GPR4: variants seen among roughly 807,000 people sequenced by gnomAD.
GPR4 encodes G protein-coupled receptor 4, also known as G-prodeshotein coupled receptor 4.
A neutral mutation model predicts 17.8 loss-of-function variants in GPR4; 11 were observed. The ratio of observed to expected loss-of-function variants is 0.62; its 90% CI spans 0.39 to 1.02. The LOEUF (loss-of-function observed/expected upper bound fraction) is 1.02. Among genes scored for constraint, GPR4 ranks in the 50% least tolerant of loss-of-function variants. The pLI is 0.00. For missense variants in GPR4, 364 were observed against 495.4 expected (o/e 0.73, Z 2.52); for synonymous variants, 219 against 222.8 (o/e 0.98, Z 0.15).
chr19:45,598,292 G>A (rs1375716743), intron 1 of GPR4, among the ~76,000 whole-genome samples: 4 of 152,218 alleles, frequency 2.6e-5, no homozygotes, highest in Admixed American at 2.6e-4. Flanking sequence ...ACGGGGACTA[G>A]GGGGCTGAGA....
At position 45,595,437 on chromosome 19, in the gene GPR4, AGATCAG is replaced by A. The variant is rs553776341; in HGVS notation, c.-831-2746_-831-2741del. On this transcript the variant is annotated intron_variant, in intron 1 of 1. Coordinates refer to ENST00000323040, the MANE Select transcript of GPR4 (RefSeq NM_005282.3). ...CTGGGAACAGTCAAGGTCAAGATCAAGATCAGGGAGCATGGGGAAGCCCTGGGGTTA... is the reference window on the plus strand; with the variant it reads ...CTGGGAACAGTCAAGGTCAAGATCAAGGAGCATGGGGAAGCCCTGGGGTTA... Among the ~76,000 whole-genome samples the A allele has an allele frequency of 9.2e-5, 14 of 152,190 alleles. No homozygotes were observed. The East Asian group carries it at 2.7e-3, about 29-fold the overall frequency.
intron 1 of GPR4, chr19:45,599,728 C>G (rs1403175966): frequency 6.6e-6 from 1 of 152,156 alleles, no homozygotes; most frequent in Non-Finnish European, 1.5e-5. Context: ...ATCCTTAGTT[C>G]ACTTCGCAGT....
intron 1 of GPR4, among the ~76,000 whole-genome samples, chr19:45,598,988 C>T (rs1246108023): frequency 6.6e-6 from 1 of 152,208 alleles, no homozygotes; most frequent in African/African-American, 2.4e-5. Context: ...ACCCCGTTCC[C>T]CTTCCAGGAC....
At chr19:45,599,472 GCT>G (rs1165355135) in intron 1 of GPR4, among the ~76,000 whole-genome samples, 18 of 143,662 alleles carry the variant, frequency 1.3e-4, no homozygotes, top group African/African-American at 4.3e-4. Context: ...GGACCAGCCA[GCT>G]CCGGTCTGCT....
At position 45,590,601 on chromosome 19, in the gene GPR4, T is replaced by C; in HGVS notation, c.*177A>G. 1.4e-6 allele frequency: 1 copy of C among 699,018 alleles called. No individual in the cohort carries two copies. Among genetic ancestry groups the C allele is most frequent in the Non-Finnish European group, 2.2e-6 (1 of 448,282 alleles). The allele number at this position is 699,018 out of a possible 1,614,324, so 43.3% of individuals were successfully genotyped here. A position where few individuals can be genotyped will look rare whatever the true frequency, so the allele number is the denominator to read the frequency against. ...GCCCTCCACAATCGCCAAACTGTGATGGGATCTGGGAGCACAAAGGTTGAC... is the reference window on the plus strand; with the variant it reads ...GCCCTCCACAATCGCCAAACTGTGACGGGATCTGGGAGCACAAAGGTTGAC... On this transcript the variant is annotated 3_prime_UTR_variant, in exon 2 of 2. Coordinates refer to ENST00000323040, the MANE Select transcript of GPR4 (RefSeq NM_005282.3).
chr19:45,597,122 G>A (rs1270299005), intron 1 of GPR4, among the ~76,000 whole-genome samples: 1 of 151,802 alleles, frequency 6.6e-6, no homozygotes, highest in African/African-American at 2.4e-5. Flanking sequence ...AGGCTGGAGT[G>A]CAGTGGCACG....
In GPR4 at chr19:45,596,996, A is replaced by C. The variant is rs138560446; in HGVS notation, c.-831-4299T>G. Reference sequence around the variant, plus strand: ...ACTCACCTCTCCTTCCTGCCTCAGCAGTCTCAAGGCCAGTGAGTGACCTTC... The same window carrying C: ...ACTCACCTCTCCTTCCTGCCTCAGCCGTCTCAAGGCCAGTGAGTGACCTTC... On this transcript the variant is annotated intron_variant, in intron 1 of 1. Transcript: ENST00000323040. Among the ~76,000 whole-genome samples, 354 of 152,266 alleles carry C rather than the reference A, an allele frequency of 2.3e-3. 7 individuals carry two copies. The highest frequency in any genetic ancestry group is 0.021 in the Admixed American group (316 of 15,292).
chr19:45,599,000 C>T (rs951930520), intron 1 of GPR4, among the ~76,000 whole-genome samples: 10 of 152,190 alleles, frequency 6.6e-5, no homozygotes, highest in Non-Finnish European at 1.5e-4. Context: ...TTCCAGGACC[C>T]TCTCTGGTTG....
chr19:45,590,542 A>G lies in GPR4; in HGVS notation c.*236T>C, dbSNP rs1043448190. 1.0e-5 allele frequency: 5 copies of G among 490,978 alleles called. No individual in the cohort carries two copies. The highest frequency in any genetic ancestry group is 3.3e-5 in the East Asian group (1 of 30,118). 30.4% of individuals were successfully genotyped at this position (490,978 alleles called of 1,614,324 possible). A position where few individuals can be genotyped will look rare whatever the true frequency, so the allele number is the denominator to read the frequency against. ...GCAACACAGTGAGACCCTGTCTCCA[A>G]AAAAATATATTTACTCATCTCCTCC... On this transcript the variant is annotated 3_prime_UTR_variant, in exon 2 of 2. Transcript: ENST00000323040.
In GPR4 at chr19:45,591,927, G is replaced by C; in HGVS notation, c.-61C>G. Reference sequence around the variant, plus strand: ...CCCACGGGGGCTGTGGGGCCACAGGGAGCGGGAGGCCATGGGGCCCCCTGA... The same window carrying C: ...CCCACGGGGGCTGTGGGGCCACAGGCAGCGGGAGGCCATGGGGCCCCCTGA... On this transcript the variant is annotated 5_prime_UTR_variant, in exon 2 of 2. Coordinates refer to ENST00000323040, the MANE Select transcript of GPR4 (RefSeq NM_005282.3). The surrounding 1 kb of genome is among the most constrained non-coding windows in gnomAD (Gnocchi z 7.6). 1 of 1,511,590 alleles carries C rather than the reference G, an allele frequency of 6.6e-7. No individual in the cohort carries two copies. The highest frequency in any genetic ancestry group is 8.8e-7 in the Non-Finnish European group (1 of 1,131,984). 93.6% of individuals were successfully genotyped at this position (1,511,590 alleles called of 1,614,324 possible).
chr19:45,599,140 C>CG (rs1568418674), intron 1 of GPR4, among the ~76,000 whole-genome samples: 3 of 152,186 alleles, frequency 2.0e-5, no homozygotes, highest in Admixed American at 1.3e-4. Context: ...TCCAGAGAGT[C>CG]GGGGGGAAGA....
At chr19:45,594,177 A>G (rs1446574726) in intron 1 of GPR4, among the ~76,000 whole-genome samples, 2 of 146,278 alleles carry the variant, frequency 1.4e-5, no homozygotes, top group Non-Finnish European at 3.0e-5. Context: ...TAATCGCAGC[A>G]CTTTGGGAGG....
chr19:45,599,426 A>AC (rs374400386), intron 1 of GPR4, among the ~76,000 whole-genome samples: 3,977 of 79,436 alleles, frequency 0.05, 53 homozygotes, highest in Non-Finnish European at 0.078. Context: ...TGCTCCCACC[A>AC]CCCCCCCCTC....
At chr19:45,595,457 G>T (rs1970049164) in intron 1 of GPR4, among the ~76,000 whole-genome samples, 1 of 152,064 alleles carries the variant, frequency 6.6e-6, no homozygotes, top group Non-Finnish European at 1.5e-5. Context: ...GCATGGGGAA[G>T]CCCTGGGGTT....
intron 1 of GPR4, chr19:45,599,887 GA>G (rs1214505589): frequency 6.6e-6 from 1 of 152,090 alleles, no homozygotes; most frequent in Non-Finnish European, 1.5e-5. Flanking sequence ...AACACGCTAT[GA>G]TTTTTTTAAG....
chr19:45,600,184 T>TG (rs1211875280), intron 1 of GPR4, among the ~76,000 whole-genome samples: 2 of 152,130 alleles, frequency 1.3e-5, no homozygotes, highest in Non-Finnish European at 2.9e-5. Context: ...TCTCACCACC[T>TG]GGGGGTGACA....
chr19:45,591,870 G>T lies in GPR4; in HGVS notation c.-4C>A. ...CCTCCCACGTGTGGTTGCCCATGGT[G>T]GGCACTTCGGCTTCTGGGGCGCTTC... On this transcript the variant is annotated 5_prime_UTR_variant, in exon 2 of 2. Coordinates refer to ENST00000323040, the MANE Select transcript of GPR4 (RefSeq NM_005282.3). This position sits in a 1 kb window ranked among gnomAD's most constrained non-coding sequence, Gnocchi z 7.6. The T allele has an allele frequency of 6.5e-7, 1 of 1,545,754 alleles. No individual in the cohort carries two copies. The highest frequency in any genetic ancestry group is 8.7e-7 in the Non-Finnish European group (1 of 1,142,992).
At chr19:45,598,316 G>A (rs533415168) in intron 1 of GPR4, among the ~76,000 whole-genome samples, 139 of 152,044 alleles carry the variant, frequency 9.1e-4, no homozygotes, top group Non-Finnish European at 1.8e-3. Context: ...GAAATAAACC[G>A]GTTCTTCATG....
intron 1 of GPR4, among the ~76,000 whole-genome samples, chr19:45,600,209 C>T (rs1021916164): frequency 2.0e-5 from 3 of 152,118 alleles, no homozygotes; most frequent in Non-Finnish European, 1.5e-5. Flanking sequence ...ATATCCAGGC[C>T]GCCTCTCTAC....
Sources: gnomAD v4.1 joint callset for allele counts (sites outside exome capture counted in the v4.1 genomes callset) on GRCh38, gnomAD v4.1.1 for gene constraint, Gnocchi (gnomAD v3.1) non-coding constraint, MANE v1.5 for transcripts, NCBI Gene and HGNC (gene_info 2026-07-23, HGNC 2026-07-21) for gene names.